Variants in PNPLA1 observed in about 807,000 individuals in gnomAD.
PNPLA1 encodes omega-hydroxyceramide transacylase.
PNPLA1 carries 36 observed loss-of-function variants against 51.7 expected under a neutral mutation model. The observed-to-expected ratio is 0.70, with a 90% CI of 0.53 to 0.92. The LOEUF is 0.92. Ranked by LOEUF, PNPLA1 falls within the 40% of genes least tolerant of loss-of-function variation. The pLI is 0.00. For synonymous variants in PNPLA1, 293 were observed against 280.1 expected, an observed-to-expected ratio of 1.05 and a Z score of -0.46; for missense variants, 658 against 682.5, an observed-to-expected ratio of 0.96 and a Z score of 0.40.
intron 1 of PNPLA1, among the ~76,000 whole-genome samples, chr6:36,260,252 G>A (rs1242440159): frequency 6.6e-6 from 1 of 151,780 alleles, no homozygotes; most frequent in Non-Finnish European, 1.5e-5. Context: ...ACACATCACT[G>A]CACTCCAGCC....
chr6:36,281,487 C>T lies in PNPLA1; in HGVS notation c.206-9833C>T, dbSNP rs370992551. 2.6e-5 allele frequency among the ~76,000 whole-genome samples: 4 copies of T among 152,266 alleles called. No homozygotes were observed. The East Asian group carries it at 7.7e-4, about 29-fold the overall frequency. On this transcript the variant is annotated intron_variant, in intron 1 of 8. Coordinates refer to ENST00000636260, the MANE Select transcript of PNPLA1 (RefSeq NM_001374623.1). ...TCATATGCATCATTTACTCTAATCC[C>T]CTCACAACCCTATGAAGCAGACACT...
intron 1 of PNPLA1, among the ~76,000 whole-genome samples, chr6:36,274,487 G>A (rs1289830174): frequency 6.6e-6 from 1 of 152,074 alleles, no homozygotes; most frequent in Non-Finnish European, 1.5e-5. Flanking sequence ...AGGAACCAGG[G>A]CTAGATCTTT....
chr6:36,282,044 GGAAAGAAA>G (rs553265176), intron 1 of PNPLA1, among the ~76,000 whole-genome samples: 126 of 34,562 alleles, frequency 3.6e-3, no homozygotes, highest in South Asian at 0.016. Flanking sequence ...AAAGAAAGAA[GGAAAGAAA>G]GAAAGAAAGA....
intron 6 of PNPLA1, among the ~76,000 whole-genome samples, chr6:36,304,563 G>A (rs1490385637): frequency 1.3e-5 from 2 of 149,938 alleles, no homozygotes; most frequent in Non-Finnish European, 3.0e-5. Context: ...GGAGGCGGAG[G>A]TTGCAGTGAG....
At chr6:36,265,143 C>CT (rs546920667), upstream of PNPLA1, among the ~76,000 whole-genome samples, 13 of 152,266 alleles carry the variant, frequency 8.5e-5, no homozygotes, top group African/African-American at 2.9e-4. Flanking sequence ...GAGTTTGTGA[C>CT]TAGCCTAGTC....
chr6:36,277,167 TA>T (rs1329014669), intron 1 of PNPLA1, among the ~76,000 whole-genome samples: 3 of 152,118 alleles, frequency 2.0e-5, no homozygotes, highest in African/African-American at 7.2e-5. Flanking sequence ...CAGAGCATGG[TA>T]AACAGTGCAA....
At chr6:36,285,420 G>A (rs942021303) in intron 1 of PNPLA1, among the ~76,000 whole-genome samples, 1 of 152,232 alleles carries the variant, frequency 6.6e-6, no homozygotes, top group African/African-American at 2.4e-5. Flanking sequence ...CCTCACTGCA[G>A]ACCTAATTCC....
chr6:36,260,093 G>C (rs1330397056), intron 1 of PNPLA1, among the ~76,000 whole-genome samples: 1 of 152,050 alleles, frequency 6.6e-6, no homozygotes, highest in African/African-American at 2.4e-5. Context: ...AGGAGTTTGA[G>C]ACCAGCCTGG....
chr6:36,279,422 G>A (rs1770209672), intron 1 of PNPLA1, among the ~76,000 whole-genome samples: 1 of 152,220 alleles, frequency 6.6e-6, no homozygotes, highest in South Asian at 2.1e-4. Flanking sequence ...GTGGCTCAAG[G>A]TGTATTCTGG....
intron 1 of PNPLA1, among the ~76,000 whole-genome samples, chr6:36,246,391 G>C (rs1397359555): frequency 6.6e-6 from 1 of 151,986 alleles, no homozygotes; most frequent in Non-Finnish European, 1.5e-5. Flanking sequence ...ATTTTTACAT[G>C]TTGCCTGGCC....
At chr6:36,300,178 T>TGTGTGTGAGAGAGAGATAGAGAGAGA in intron 5 of PNPLA1, among the ~76,000 whole-genome samples, 1 of 98,088 alleles carries the variant, frequency 1.0e-5, no homozygotes, top group Non-Finnish European at 2.3e-5. Flanking sequence ...TGTGTGTGTG[T>TGTGTGTGAGAGAGAGATAGAGAGAGA]GAGAGAGAGA....
intron 5 of PNPLA1, among the ~76,000 whole-genome samples, chr6:36,300,370 A>AT (rs1771003580): frequency 6.6e-6 from 1 of 151,688 alleles, no homozygotes; most frequent in South Asian, 2.1e-4. Context: ...AATTTTTTGT[A>AT]TTTTTAGTAG....
At chr6:36,299,384 G>C (rs932148575) in intron 5 of PNPLA1, among the ~76,000 whole-genome samples, 1 of 149,688 alleles carries the variant, frequency 6.7e-6, no homozygotes, top group Non-Finnish European at 1.5e-5. Flanking sequence ...ACCCAGGCTG[G>C]AGTGCAGTGG....
rs1190707660 is a variant in PNPLA1, at chr6:36,294,043, G to A, written c.505-147G>A. 7 of 927,376 alleles carry A rather than the reference G, an allele frequency of 7.5e-6. No individual in the cohort carries two copies. The highest frequency in any genetic ancestry group is 2.6e-5 in the East Asian group (1 of 38,012). 57.4% of individuals were successfully genotyped at this position (927,376 alleles called of 1,614,324 possible). On this transcript the variant is annotated intron_variant, in intron 3 of 8. Transcript: ENST00000636260. This position sits in a 1 kb window ranked among gnomAD's most constrained non-coding sequence, Gnocchi z 4.2. ...ACACCACGCACCCACCAGGACCTCC[G>A]TCTCCAGGCTTATCCTGAGGGGTCT...
At chr6:36,253,435 T>A (rs1769465249) in intron 1 of PNPLA1, among the ~76,000 whole-genome samples, 1 of 152,202 alleles carries the variant, frequency 6.6e-6, no homozygotes, top group African/African-American at 2.4e-5. Context: ...CTAAGTCAAA[T>A]ATCGAAAACA....
At chr6:36,291,295 C>A in intron 1 of PNPLA1, 25 bp from the exon 2 acceptor site, 1 of 1,602,728 alleles carries the variant, frequency 6.2e-7, no homozygotes. Context: ...CACCGACCAC[C>A]CCCTCTTCTC....
At chr6:36,258,016 G>A (rs932176248) in intron 1 of PNPLA1, among the ~76,000 whole-genome samples, 1 of 152,140 alleles carries the variant, frequency 6.6e-6, no homozygotes, top group Admixed American at 6.6e-5. Flanking sequence ...GTAGAGATGA[G>A]GTTTTGCTAC....
At chr6:36,264,976 A>G (rs1769730880) in intron 1 of PNPLA1, among the ~76,000 whole-genome samples, 1 of 152,178 alleles carries the variant, frequency 6.6e-6, no homozygotes, top group Non-Finnish European at 1.5e-5. Flanking sequence ...ATATGTCTAC[A>G]TGTTTGGTCA....
At chr6:36,281,043 T>C (rs1349177335) in intron 1 of PNPLA1, among the ~76,000 whole-genome samples, 1 of 152,222 alleles carries the variant, frequency 6.6e-6, no homozygotes, top group African/African-American at 2.4e-5. Flanking sequence ...TCCGCCTGCC[T>C]CCGGCTCCCA....
Sources: allele counts gnomAD v4.1 joint callset (sites outside exome capture counted in the v4.1 genomes callset), GRCh38; gene constraint gnomAD v4.1.1; non-coding constraint Gnocchi (gnomAD v3.1); transcripts MANE v1.5; gene names NCBI Gene and HGNC (gene_info 2026-07-23, HGNC 2026-07-21).